The following DCC variants were observed in gnomAD, a reference collection of about 807,000 sequenced individuals.
DCC encodes the protein netrin receptor DCC.
Under a neutral mutation model 172.5 loss-of-function variants are expected in DCC, and 58 were observed. The ratio of observed to expected loss-of-function variants is 0.34; its 90% CI spans 0.27 to 0.42. The LOEUF (loss-of-function observed/expected upper bound fraction) is 0.42, where lower values mean the gene tolerates loss of function less well. Among genes scored for constraint, DCC ranks in the 10% least tolerant of loss-of-function variants. The pLI, the probability that DCC is intolerant of heterozygous loss-of-function variation, is 1.00. For synonymous variants in DCC, 709 were observed against 644.5 expected (o/e 1.10, Z -1.52); for missense variants, 1,740 against 1,791.0 (o/e 0.97, Z 0.51).
chr18:53,405,712 T>A (rs1909614823), intron 19 of DCC, among the ~76,000 whole-genome samples: 1 of 152,196 alleles, frequency 6.6e-6, no homozygotes, highest in Non-Finnish European at 1.5e-5. Context: ...CAGAAGAAAA[T>A]GATTCAAAAT....
At chr18:53,003,531 CATG>C (rs2041598458) in intron 5 of DCC, among the ~76,000 whole-genome samples, 1 of 152,058 alleles carries the variant, frequency 6.6e-6, no homozygotes, top group African/African-American at 2.4e-5. Context: ...TGTTATTAAT[CATG>C]AAAGTTGTAA....
At chr18:52,708,224 G>A (rs937008046) in intron 1 of DCC, among the ~76,000 whole-genome samples, 2 of 152,070 alleles carry the variant, frequency 1.3e-5, no homozygotes, top group East Asian at 1.9e-4. Flanking sequence ...GATGGATCAC[G>A]AGGTCAGGAG....
intron 5 of DCC, among the ~76,000 whole-genome samples, chr18:52,978,295 A>G (rs182931799): frequency 1.1e-4 from 17 of 152,262 alleles, no homozygotes; most frequent in Admixed American, 9.8e-4. Context: ...GCAATGCTAG[A>G]GCCTTAGTTT....
chr18:52,951,683 C>T (rs2040650688), intron 5 of DCC, among the ~76,000 whole-genome samples: 1 of 152,122 alleles, frequency 6.6e-6, no homozygotes, highest in Non-Finnish European at 1.5e-5. Context: ...TATGTAGACT[C>T]CTATGGGAAA....
chr18:52,968,592 G>T (rs1196331465), intron 5 of DCC, among the ~76,000 whole-genome samples: 1 of 151,994 alleles, frequency 6.6e-6, no homozygotes, highest in East Asian at 1.9e-4. Flanking sequence ...ATAATGTTTG[G>T]AATTTACCTC....
chr18:52,819,336 AATT>A (rs2038361975), intron 2 of DCC, among the ~76,000 whole-genome samples: 1 of 152,222 alleles, frequency 6.6e-6, no homozygotes, highest in African/African-American at 2.4e-5. Context: ...TAATTTTCTC[AATT>A]ATAAAGATTG....
chr18:53,000,269 G>A (rs2041543664), intron 5 of DCC, among the ~76,000 whole-genome samples: 2 of 152,048 alleles, frequency 1.3e-5, no homozygotes, highest in Non-Finnish European at 2.9e-5. Flanking sequence ...TAAATGAAAT[G>A]AATTGAAATT....
chr18:53,313,525 C>CT (rs2057308257), intron 13 of DCC, among the ~76,000 whole-genome samples: 2 of 152,148 alleles, frequency 1.3e-5, no homozygotes, highest in Non-Finnish European at 2.9e-5. Context: ...GGATTACAGG[C>CT]TTGAGCCACC....
chr18:52,743,795 C>A (rs79546785), intron 1 of DCC, among the ~76,000 whole-genome samples: 5,515 of 152,256 alleles, frequency 0.036, 156 homozygotes, highest in Non-Finnish European at 0.054. Context: ...CCACATCTTA[C>A]CTTTATATTT....
At chr18:52,785,341 G>T (rs1450241111) in intron 2 of DCC, among the ~76,000 whole-genome samples, 1 of 152,002 alleles carries the variant, frequency 6.6e-6, no homozygotes, top group African/African-American at 2.4e-5. Context: ...GCTGCTCTTT[G>T]TTAGAAAATG....
chr18:52,532,229 A>C (rs1362503703), intron 1 of DCC, among the ~76,000 whole-genome samples: 2 of 152,208 alleles, frequency 1.3e-5, no homozygotes, highest in African/African-American at 2.4e-5. Context: ...ACTTAGAAAA[A>C]AAGTTCAAAA....
At chr18:53,184,716 CT>C (rs1340673036) in intron 9 of DCC, among the ~76,000 whole-genome samples, 4 of 152,106 alleles carry the variant, frequency 2.6e-5, no homozygotes, top group Non-Finnish European at 4.4e-5. Context: ...TCATTATATT[CT>C]TATGGGACCA....
chr18:53,334,818 T>G (rs2057573286), intron 14 of DCC, among the ~76,000 whole-genome samples: 1 of 152,360 alleles, frequency 6.6e-6, no homozygotes, highest in East Asian at 1.9e-4. Context: ...TACCACATTT[T>G]AAAAATGCAT....
chr18:52,862,916 C>T (rs1395181911), intron 2 of DCC, among the ~76,000 whole-genome samples: 1 of 152,062 alleles, frequency 6.6e-6, no homozygotes, highest in African/African-American at 2.4e-5. Context: ...GTTAATGCTA[C>T]ACAAATATCT....
Position 53,429,241 on chromosome 18 carries a change from C to T in DCC, c.3164-5903C>T, listed in dbSNP as rs879454756. On this transcript the variant is annotated intron_variant, in intron 21 of 28. Transcript: ENST00000442544. The stretch of plus-strand genomic sequence containing the variant: ...CAAAAAATAATGCAGTATTTGTAAA[C>T]GTTTTTCCTACTTTAGAAGATGGTC... Among the ~76,000 whole-genome samples the T allele has an allele frequency of 1.2e-4, 18 of 149,238 alleles. 1 individual carries two copies. Among genetic ancestry groups the T allele is most frequent in the Non-Finnish European group, 1.6e-4 (11 of 67,700 alleles).
Position 52,843,213 on chromosome 18 carries a change from C to T in DCC, c.413-62831C>T, listed in dbSNP as rs909823733. Among the ~76,000 whole-genome samples the T allele has an allele frequency of 2.0e-5, 3 of 152,224 alleles. No homozygotes were observed. The South Asian group carries it at 6.2e-4, about 32-fold the overall frequency. ...TAAATGTATTAAAAATACAACTAGA[C>T]TGTGTTTATGCAAAGGATTAACAAG... On this transcript the variant is annotated intron_variant, in intron 2 of 28. Coordinates refer to ENST00000442544, the MANE Select transcript of DCC (RefSeq NM_005215.4).
chr18:53,215,663 T>A (rs2055834940), intron 12 of DCC, 66 bp downstream of exon 12: 1 of 1,292,366 alleles, frequency 7.7e-7, no homozygotes, highest in Non-Finnish European at 1.1e-6. Flanking sequence ...TAACCTTCAC[T>A]CACCCAACTG....
intron 27 of DCC, among the ~76,000 whole-genome samples, chr18:53,505,598 G>C (rs1214759053): frequency 6.6e-6 from 1 of 152,116 alleles, no homozygotes; most frequent in Non-Finnish European, 1.5e-5. Flanking sequence ...TGAAACTGAA[G>C]TTAACTATAT....
At chr18:53,506,296 G>A (rs536547617) in intron 27 of DCC, among the ~76,000 whole-genome samples, 18 of 152,218 alleles carry the variant, frequency 1.2e-4, no homozygotes, top group African/African-American at 4.1e-4. Context: ...ACAAACCAGA[G>A]CGACTTGTAA....
Sources: allele counts gnomAD v4.1 joint callset (sites outside exome capture counted in the v4.1 genomes callset), GRCh38; gene constraint gnomAD v4.1.1; transcripts MANE v1.5; gene names NCBI Gene and HGNC (gene_info 2026-07-23, HGNC 2026-07-21).